ROBO2: variants seen among roughly 807,000 people sequenced by gnomAD.
ROBO2 encodes the protein roundabout guidance receptor 2.
Under a neutral mutation model 160.8 loss-of-function variants are expected in ROBO2, and 53 were observed. The observed-to-expected ratio is 0.33, with a 90% CI of 0.26 to 0.41. The LOEUF is 0.41. ROBO2 is among the 10% of genes least tolerant of loss of function. The probability of loss-of-function intolerance (pLI) is 1.00; values close to 1 mark genes in which losing one functional copy is unlikely to be tolerated. For missense variants in ROBO2, 1,577 were observed against 1,722.4 expected, an observed-to-expected ratio of 0.92 and a Z score of 1.49; for synonymous variants, 664 against 611.7, an observed-to-expected ratio of 1.09 and a Z score of -1.26.
At chr3:76,080,914 A>C (rs929584581) in intron 2 of ROBO2, among the ~76,000 whole-genome samples, 2 of 152,164 alleles carry the variant, frequency 1.3e-5, no homozygotes, top group Non-Finnish European at 2.9e-5. Context: ...ACAATCTTAC[A>C]ATTGTTTGTC....
chr3:76,252,861 T>C (rs1237433108), intron 2 of ROBO2, among the ~76,000 whole-genome samples: 1 of 151,850 alleles, frequency 6.6e-6, no homozygotes, highest in African/African-American at 2.4e-5. Flanking sequence ...GACTGGCAAG[T>C]AGCCTCTAGG....
At chr3:76,380,928 T>A (rs2108551819) in intron 2 of ROBO2, among the ~76,000 whole-genome samples, 1 of 152,204 alleles carries the variant, frequency 6.6e-6, no homozygotes, top group Admixed American at 6.5e-5. Context: ...CAGGCAGTAT[T>A]TTTGATATTC....
chr3:76,621,557 A>C (rs1316438807), intron 2 of ROBO2, among the ~76,000 whole-genome samples: 2 of 152,214 alleles, frequency 1.3e-5, no homozygotes, highest in Non-Finnish European at 2.9e-5. Context: ...CCATCTACCA[A>C]GTGTGAAAAC....
rs1412519741 is a variant in ROBO2 at position 77,552,516 on chromosome 3, T to C, written c.1231+1527T>C. Among the ~76,000 whole-genome samples the C allele has an allele frequency of 3.9e-5, 6 of 152,048 alleles. No homozygotes were observed. In the South Asian group the frequency reaches 6.2e-4, roughly 16 times the overall value. On this transcript the variant is annotated intron_variant, in intron 8 of 25. Transcript: ENST00000461745. ...ACCTTTGAGGCCTTACACTAGCTCATGCTATATTACAAAACAGTAGTTAGT... is the reference window on the plus strand; with the variant it reads ...ACCTTTGAGGCCTTACACTAGCTCACGCTATATTACAAAACAGTAGTTAGT...
At chr3:76,752,983 AAAT>A (rs1310396998) in intron 2 of ROBO2, among the ~76,000 whole-genome samples, 1 of 151,942 alleles carries the variant, frequency 6.6e-6, no homozygotes, top group Non-Finnish European at 1.5e-5. Flanking sequence ...CCAATTAAAC[AAAT>A]ATGTTAATGT....
intron 2 of ROBO2, among the ~76,000 whole-genome samples, chr3:76,271,594 G>A (rs1054660173): frequency 6.6e-6 from 1 of 151,080 alleles, no homozygotes. Context: ...TATATTAACT[G>A]ATATGGCAGA....
intron 2 of ROBO2, among the ~76,000 whole-genome samples, chr3:77,151,931 T>C (rs2077577450): frequency 6.6e-6 from 1 of 152,206 alleles, no homozygotes. Flanking sequence ...TAGATTTTTT[T>C]CAGTCCAATG....
At chr3:76,943,801 C>A (rs9858491) in intron 2 of ROBO2, among the ~76,000 whole-genome samples, 20 of 151,850 alleles carry the variant, frequency 1.3e-4, no homozygotes, top group Non-Finnish European at 1.8e-4. Flanking sequence ...TGTCTTACTG[C>A]GTGCCAAATA....
intron 2 of ROBO2, among the ~76,000 whole-genome samples, chr3:76,904,109 C>T (rs76800935): frequency 0.015 from 2,315 of 152,058 alleles, 50 homozygotes; most frequent in African/African-American, 0.053. Context: ...CTCCTAAATA[C>T]ATAATAATTT....
At chr3:77,516,806 C>A (rs1352225613) in intron 5 of ROBO2, among the ~76,000 whole-genome samples, 1 of 151,584 alleles carries the variant, frequency 6.6e-6, no homozygotes, top group Non-Finnish European at 1.5e-5. Flanking sequence ...CTTCTTGATA[C>A]AATATCTTGT....
At chr3:77,493,502 A>C in intron 5 of ROBO2, 120 bp downstream of exon 5, 1 of 1,065,310 alleles carries the variant, frequency 9.4e-7, no homozygotes, top group Non-Finnish European at 1.4e-6. Context: ...CACTCATGTG[A>C]TTTTTACATA....
rs193207463 is a variant in ROBO2 at position 77,326,323 on chromosome 3, G to T, written c.389-151091G>T. On this transcript the variant is annotated intron_variant, in intron 2 of 25. Transcript: ENST00000461745. ...AGTAAAGACTATTAGAAGCTCAGAA[G>T]CTCTCACAAAATATGCAAGAAATAC... Among the ~76,000 whole-genome samples, 6 of 152,242 alleles carry T rather than the reference G, an allele frequency of 3.9e-5. No homozygotes were observed. The East Asian group carries it at 1.2e-3, about 29-fold the overall frequency.
chr3:76,614,055 A>G (rs1443119482), intron 2 of ROBO2, among the ~76,000 whole-genome samples: 1 of 151,998 alleles, frequency 6.6e-6, no homozygotes, highest in Non-Finnish European at 1.5e-5. Context: ...ACCTTATACT[A>G]TGGTGCAGGC....
rs550701892 is a variant in ROBO2, at chr3:76,960,012, A to G, written c.110-138002A>G. On this transcript the variant is annotated intron_variant, in intron 2 of 26. Coordinates refer to the ROBO2 transcript ENST00000487694. ...TGAAAATACTTTCTTAATGGCTTGTATTCTATGTTTGGTTTCAAAAACTGT... is the reference window on the plus strand; with the variant it reads ...TGAAAATACTTTCTTAATGGCTTGTGTTCTATGTTTGGTTTCAAAAACTGT... Among the ~76,000 whole-genome samples, 18 of 151,908 alleles carry G rather than the reference A, an allele frequency of 1.2e-4. No individual in the cohort carries two copies. In the South Asian group the frequency reaches 3.3e-3, roughly 28 times the overall value.
At chr3:76,176,181 G>A (rs1035073691) in intron 2 of ROBO2, among the ~76,000 whole-genome samples, 15 of 151,696 alleles carry the variant, frequency 9.9e-5, no homozygotes, top group African/African-American at 2.4e-4. Flanking sequence ...AGTCAAGGGC[G>A]CAGCTTTATT....
chr3:76,771,566 C>T (rs1576530043), intron 2 of ROBO2, among the ~76,000 whole-genome samples: 1 of 151,234 alleles, frequency 6.6e-6, no homozygotes, highest in East Asian at 2.0e-4. Flanking sequence ...AAAGAATGTC[C>T]TTTTGCCCCA....
At chr3:77,031,593 TTATAAG>T (rs1224960955) in intron 2 of ROBO2, among the ~76,000 whole-genome samples, 1 of 146,118 alleles carries the variant, frequency 6.8e-6, no homozygotes, top group Admixed American at 6.9e-5. Context: ...ATATATTAAA[TTATAAG>T]TATATCACAT....
intron 2 of ROBO2, among the ~76,000 whole-genome samples, chr3:76,467,040 C>T (rs1233948592): frequency 6.6e-6 from 1 of 151,918 alleles, no homozygotes; most frequent in Admixed American, 6.6e-5. Flanking sequence ...CAATATACTA[C>T]ACCATGTAAT....
intron 2 of ROBO2, among the ~76,000 whole-genome samples, chr3:76,297,076 C>G (rs998462208): frequency 2.0e-5 from 3 of 152,146 alleles, no homozygotes; most frequent in Non-Finnish European, 4.4e-5. Context: ...GTATTTCTTC[C>G]TACTCTTCAG....
Sources: gnomAD v4.1 joint callset for allele counts (sites outside exome capture counted in the v4.1 genomes callset) on GRCh38, gnomAD v4.1.1 for gene constraint, MANE v1.5 for transcripts, NCBI Gene and HGNC (gene_info 2026-07-23, HGNC 2026-07-21) for gene names.